Variants in MRGPRX1 observed in about 807,000 individuals in gnomAD.
MRGPRX1 encodes mas-related G protein-coupled receptor member X1.
For missense variants in MRGPRX1, 411 were observed against 393.8 expected (o/e 1.04, Z -0.37); for synonymous variants, 208 against 170.4 (o/e 1.22, Z -1.72).
In MRGPRX1 at chr11:18,934,701, C is replaced by G; in HGVS notation, c.84G>C (p.Leu28Phe). 6.2e-7 allele frequency: 1 copy of G among 1,609,986 alleles called. No homozygotes were observed. Among genetic ancestry groups the G allele is most frequent in the South Asian group, 1.1e-5 (1 of 90,652 alleles). ...TEETLCYKQT[L>F]SLTVLTCIVS... is the part of the protein sequence containing the mutation. ...CGATGCACGTCAGCACCGTGAGGCT[C>G]AAGGTCTGCTTGTAGCAAAGAGTCT... The change falls in exon 2 of 2, where the codon TTG (leucine) becomes TTC (phenylalanine). Residue 28 changes from leucine (L) to phenylalanine (F), a missense_variant. By Grantham distance (22) the Leu-to-Phe change is conservative. Transcript: ENST00000526914.
Position 18,939,023 on chromosome 11 carries a change from A to AT in MRGPRX1, c.-26+256dup, listed in dbSNP as rs1848861940. 2.0e-5 allele frequency among the ~76,000 whole-genome samples: 3 copies of AT among 151,538 alleles called. 1 individual carries two copies. The South Asian group carries it at 6.3e-4, about 32-fold the overall frequency. On this transcript the variant is annotated intron_variant, in intron 1 of 1. Coordinates refer to ENST00000526914, the MANE Select transcript of MRGPRX1 (RefSeq NM_001393578.1). The stretch of plus-strand genomic sequence containing the variant: ...TCCTTAAATGAATGTGAGAGGCAGC[A>AT]TTTTCTCTAAGAGGACAGGTTCAGT...
chr11:18,938,642 G>T (rs186390327), intron 1 of MRGPRX1, among the ~76,000 whole-genome samples: 1 of 151,566 alleles, frequency 6.6e-6, no homozygotes, highest in African/African-American at 2.4e-5. Context: ...GCCGTGCAAG[G>T]CTTCTCCACC....
In MRGPRX1 at chr11:18,933,927, G is replaced by T; in HGVS notation, c.858C>A (p.Asn286Lys). 1.2e-6 allele frequency: 2 copies of T among 1,611,004 alleles called. No homozygotes were observed. Among genetic ancestry groups the T allele is most frequent in the South Asian group, 1.1e-5 (1 of 90,810 alleles). The change falls in exon 2 of 2, where the codon AAC (asparagine) becomes AAA (lysine). Residue 286 changes from asparagine (N) to lysine (K), a missense_variant. By Grantham distance (94) the Asn-to-Lys change is moderately conservative. Transcript: ENST00000526914. ...GAGCCCTCTGGAGAACCAGCTTCAGGTTCTGCCTATTTTGACGCTGCCTAA... is the reference window on the plus strand; with the variant it reads ...GAGCCCTCTGGAGAACCAGCTTCAGTTTCTGCCTATTTTGACGCTGCCTAA... ...GSFRQRQNRQ[N>K]LKLVLQRALQ...
intron 1 of MRGPRX1, among the ~76,000 whole-genome samples, chr11:18,938,892 C>T (rs935417587): frequency 1.3e-5 from 2 of 151,580 alleles, no homozygotes; most frequent in African/African-American, 2.4e-5. Context: ...TTCCTTGAAC[C>T]TTTCCAGACA....
At position 18,934,086 on chromosome 11, in the gene MRGPRX1, G is replaced by A; in HGVS notation, c.699C>T (p.Gly233=). The part of the protein sequence containing the change: ...LVFLLCGLPF[G]IQFFLFLWIH... ...TCCATAAAAATAGGAAAAACTGAATGCCAAAGGGCAGGCCACAGAGGAGGA... is the reference window on the plus strand; with the variant it reads ...TCCATAAAAATAGGAAAAACTGAATACCAAAGGGCAGGCCACAGAGGAGGA... Residue 233 remains glycine (G), a synonymous_variant, in exon 2 of 2, where the codon GGC becomes GGT. Coordinates refer to ENST00000526914, the MANE Select transcript of MRGPRX1 (RefSeq NM_001393578.1). 1 of 1,610,892 alleles carries A rather than the reference G, an allele frequency of 6.2e-7. No individual in the cohort carries two copies. The highest frequency in any genetic ancestry group is 8.5e-7 in the Non-Finnish European group (1 of 1,178,214).
intron 1 of MRGPRX1, among the ~76,000 whole-genome samples, chr11:18,936,881 G>T (rs1564974448): frequency 1.3e-5 from 2 of 151,478 alleles, no homozygotes; most frequent in African/African-American, 4.8e-5. Context: ...CCAGCCCCTG[G>T]TCCCTGGAGC....
rs1413354726 is a variant in MRGPRX1, at chr11:18,933,981, G to T, written c.804C>A (p.Asn268Lys). 4 of 1,610,888 alleles carry T rather than the reference G, an allele frequency of 2.5e-6. No individual in the cohort carries two copies. Among genetic ancestry groups the T allele is most frequent in the Non-Finnish European group, 3.4e-6 (4 of 1,178,246 alleles). ...AGCCCACGAAGAAGTAAATGATGGGGTTGGCACTGCTGTTAAGAGCGGACA... is the reference window on the plus strand; with the variant it reads ...AGCCCACGAAGAAGTAAATGATGGGTTTGGCACTGCTGTTAAGAGCGGACA... Reference protein sequence around the residue: ...IFLSALNSSANPIIYFFVGSF... With the variant: ...IFLSALNSSAKPIIYFFVGSF... The change falls in exon 2 of 2, where the codon AAC (asparagine) becomes AAA (lysine). Residue 268 changes from asparagine to lysine, a missense_variant. Physicochemically the swap from Asn to Lys is moderately conservative, Grantham distance 94 (BLOSUM62 0). Coordinates refer to ENST00000526914, the MANE Select transcript of MRGPRX1 (RefSeq NM_001393578.1).
rs147529961 is a variant in MRGPRX1 at position 18,934,659 on chromosome 11, C to T, written c.126G>A (p.Leu42=). 2.9e-3 allele frequency: 4,717 copies of T among 1,610,486 alleles called. 165 individuals carry two copies. Among genetic ancestry groups the T allele is most frequent in the Non-Finnish European group, 3.3e-3 (3,898 of 1,177,920 alleles). ...GCCAGAGCACAACTGCGTTTCCTGT[C>T]AGCCCGACAAGGGAAACGATGCACG... ...VLTCIVSLVG[L]TGNAVVLWLL... Residue 42 remains leucine (L), a synonymous_variant, in exon 2 of 2, where the codon CTG becomes CTA. Transcript: ENST00000526914.
At chr11:18,936,160 C>G (rs866212329) in intron 1 of MRGPRX1, among the ~76,000 whole-genome samples, 1 of 151,282 alleles carries the variant, frequency 6.6e-6, no homozygotes, top group African/African-American at 2.4e-5. Flanking sequence ...TTGAGCCCAG[C>G]AGGGCTGACT....
intron 1 of MRGPRX1, among the ~76,000 whole-genome samples, chr11:18,936,203 C>G (rs1332586786): frequency 1.3e-5 from 2 of 151,010 alleles, no homozygotes; most frequent in Non-Finnish European, 3.0e-5. Context: ...CCTTTACACC[C>G]AGCACGACTC....
rs139433266 is a variant in MRGPRX1 at position 18,934,663 on chromosome 11, C to G, written c.122G>C (p.Gly41Ala). The change falls in exon 2 of 2, where the codon GGG becomes GCG. Residue 41 changes from glycine (G) to alanine (A), a missense_variant. Gly to Ala is a moderately conservative substitution (Grantham distance 60). Transcript: ENST00000526914. Reference protein sequence around the residue: ...TVLTCIVSLVGLTGNAVVLWL... With the variant: ...TVLTCIVSLVALTGNAVVLWL... The stretch of plus-strand genomic sequence containing the variant: ...GAGCACAACTGCGTTTCCTGTCAGC[C>G]CGACAAGGGAAACGATGCACGTCAG... 8.2e-5 allele frequency: 132 copies of G among 1,610,642 alleles called. 8 individuals are homozygous for G. Among genetic ancestry groups the G allele is most frequent in the East Asian group, 1.3e-4 (6 of 44,790 alleles).
intron 1 of MRGPRX1, among the ~76,000 whole-genome samples, chr11:18,937,967 TAGG>T (rs1484294246): frequency 6.6e-6 from 1 of 151,418 alleles, no homozygotes; most frequent in Non-Finnish European, 1.5e-5. Context: ...TCCCAGGAAT[TAGG>T]AGGATATAAG....
chr11:18,933,587 G>A lies in MRGPRX1; in HGVS notation c.*229C>T, dbSNP rs1848807944. Among the ~76,000 whole-genome samples, 2 of 151,448 alleles carry A rather than the reference G, an allele frequency of 1.3e-5. No individual in the cohort carries two copies. The highest frequency in any genetic ancestry group is 4.8e-5 in the African/African-American group (2 of 41,274). Reference sequence around the variant, plus strand: ...GGAAAGATTCAGTGTGAGATAACAGGGAAAATGTGTTGGTAATATCAAGGA... The same window carrying A: ...GGAAAGATTCAGTGTGAGATAACAGAGAAAATGTGTTGGTAATATCAAGGA... On this transcript the variant is annotated 3_prime_UTR_variant, in exon 2 of 2. Coordinates refer to ENST00000526914, the MANE Select transcript of MRGPRX1 (RefSeq NM_001393578.1).
At position 18,934,692 on chromosome 11, in the gene MRGPRX1, C is replaced by G. The variant is rs1180225626; in HGVS notation, c.93G>C (p.Thr31=). The change falls in exon 2 of 2, where the codon ACG becomes ACC. Residue 31 remains threonine (T), a synonymous_variant. Coordinates refer to ENST00000526914, the MANE Select transcript of MRGPRX1 (RefSeq NM_001393578.1). The part of the protein sequence containing the change: ...TLCYKQTLSL[T]VLTCIVSLVG... ...CAAGGGAAACGATGCACGTCAGCAC[C>G]GTGAGGCTCAAGGTCTGCTTGTAGC... The G allele has an allele frequency of 4.3e-6, 7 of 1,610,504 alleles. No individual in the cohort carries two copies. The highest frequency in any genetic ancestry group is 5.9e-6 in the Non-Finnish European group (7 of 1,178,038).
In MRGPRX1 at chr11:18,933,728, A is replaced by G; in HGVS notation, c.*88T>C. The G allele has an allele frequency of 6.6e-7, 1 of 1,507,928 alleles. No homozygotes were observed. The highest frequency in any genetic ancestry group is 8.9e-7 in the Non-Finnish European group (1 of 1,126,550). 93.4% of individuals were successfully genotyped at this position (1,507,928 alleles called of 1,614,324 possible). A position where few individuals can be genotyped will look rare whatever the true frequency, so the allele number is the denominator to read the frequency against. ...GGAACCACTGAGACATTTCTGAGGC[A>G]GAAGGCTAAGAAAAACGCATATAAT... On this transcript the variant is annotated 3_prime_UTR_variant, in exon 2 of 2. Coordinates refer to ENST00000526914, the MANE Select transcript of MRGPRX1 (RefSeq NM_001393578.1).
chr11:18,936,856 A>C lies in MRGPRX1; in HGVS notation c.-25-2047T>G, dbSNP rs370352852. On this transcript the variant is annotated intron_variant, in intron 1 of 1. Transcript: ENST00000526914. Reference sequence around the variant, plus strand: ...GTGTTTTCATGAGTTCACAACACGAAGAGCAGGCCCAATGCCAGCCCCTGG... The same window carrying C: ...GTGTTTTCATGAGTTCACAACACGACGAGCAGGCCCAATGCCAGCCCCTGG... 1.7e-3 allele frequency among the ~76,000 whole-genome samples: 257 copies of C among 151,644 alleles called. 2 individuals carry two copies. Among genetic ancestry groups the C allele is most frequent in the African/African-American group, 6.0e-3 (250 of 41,408 alleles).
At chr11:18,938,165 CT>C (rs1397514959) in intron 1 of MRGPRX1, among the ~76,000 whole-genome samples, 1 of 151,548 alleles carries the variant, frequency 6.6e-6, no homozygotes, top group African/African-American at 2.4e-5. Context: ...AGGAGAGCCA[CT>C]TGGGATTTCC....
At position 18,934,692 on chromosome 11, in the gene MRGPRX1, C is replaced by T; in HGVS notation, c.93G>A (p.Thr31=). The change falls in exon 2 of 2, where the codon ACG becomes ACA. Residue 31 remains threonine (T), a synonymous_variant. Transcript: ENST00000526914. ...TLCYKQTLSL[T]VLTCIVSLVG... is the part of the protein sequence containing the mutation. ...CAAGGGAAACGATGCACGTCAGCAC[C>T]GTGAGGCTCAAGGTCTGCTTGTAGC... 1.2e-6 allele frequency: 2 copies of T among 1,610,506 alleles called. No individual in the cohort carries two copies. The highest frequency in any genetic ancestry group is 2.2e-5 in the East Asian group (1 of 44,786).
At position 18,933,680 on chromosome 11, in the gene MRGPRX1, A is replaced by T. The variant is rs1590004394; in HGVS notation, c.*136T>A. ...GAAAACCGCAACTGTCAGGTTAGAT[A>T]AACATCTATTTGAAGACCTTGAGGA... On this transcript the variant is annotated 3_prime_UTR_variant, in exon 2 of 2. Coordinates refer to ENST00000526914, the MANE Select transcript of MRGPRX1 (RefSeq NM_001393578.1). 3 of 1,419,890 alleles carry T rather than the reference A, an allele frequency of 2.1e-6. No homozygotes were observed. Among genetic ancestry groups the T allele is most frequent in the East Asian group, 4.6e-5 (2 of 43,162 alleles). 88.0% of individuals were successfully genotyped at this position (1,419,890 alleles called of 1,614,324 possible). A position where few individuals can be genotyped will look rare whatever the true frequency, so the allele number is the denominator to read the frequency against.
Sources: gnomAD v4.1 joint callset for allele counts (sites outside exome capture counted in the v4.1 genomes callset) on GRCh38, gnomAD v4.1.1 for gene constraint, MANE v1.5 for transcripts, NCBI Gene and HGNC (gene_info 2026-07-23, HGNC 2026-07-21) for gene names.